The following LYZL4 variants were observed in gnomAD, a reference collection of about 807,000 sequenced individuals.
LYZL4 encodes the protein lysozyme like 4.
In LYZL4, 13 loss-of-function variants were observed where a neutral mutation model predicts 17.6. The ratio of observed to expected loss-of-function variants is 0.74; its 90% CI spans 0.48 to 1.18. LYZL4 has a LOEUF of 1.18. Among genes scored for constraint, LYZL4 ranks in the 50% most tolerant of loss-of-function variants. LYZL4 has a pLI of 0.00. For missense variants in LYZL4, 174 were observed against 188.2 expected (o/e 0.92, Z 0.44); for synonymous variants, 64 against 67.7 (o/e 0.95, Z 0.27).
At chr3:42,409,339 G>A (rs961764308) in intron 1 of LYZL4, among the ~76,000 whole-genome samples, 1 of 152,104 alleles carries the variant, frequency 6.6e-6, no homozygotes, top group Non-Finnish European at 1.5e-5. Context: ...TTGCACCCCT[G>A]CCCTTTTATA....
chr3:42,385,603 G>C, the LYZL4 span, among the ~76,000 whole-genome samples: 2 of 152,188 alleles, frequency 1.3e-5, no homozygotes, highest in Non-Finnish European at 2.9e-5. Context: ...CTGAGGAAGA[G>C]ATGATGCCAT....
At chr3:42,370,050 C>T in the LYZL4 span, among the ~76,000 whole-genome samples, 6 of 152,226 alleles carry the variant, frequency 3.9e-5, no homozygotes, top group South Asian at 2.1e-4. Flanking sequence ...GGGGCTCCCA[C>T]GCTGTGAAGC....
At chr3:42,361,106 T>C in the LYZL4 span, among the ~76,000 whole-genome samples, 18 of 152,362 alleles carry the variant, frequency 1.2e-4, no homozygotes, top group African/African-American at 3.8e-4. Context: ...TTTTATTAGT[T>C]TCTAGTTTAT....
At chr3:42,369,472 A>G in the LYZL4 span, among the ~76,000 whole-genome samples, 1 of 152,272 alleles carries the variant, frequency 6.6e-6, no homozygotes, top group South Asian at 2.1e-4. Context: ...CTCTGCTTAT[A>G]GAAACAGAAG....
At chr3:42,382,802 C>T in the LYZL4 span, among the ~76,000 whole-genome samples, 155 of 151,976 alleles carry the variant, frequency 1.0e-3, 1 homozygote, top group African/African-American at 3.7e-3. Flanking sequence ...GAAGAGACAA[C>T]TGGACAGCCT....
the LYZL4 span, among the ~76,000 whole-genome samples, chr3:42,382,268 T>C: frequency 6.6e-6 from 1 of 152,214 alleles, no homozygotes; most frequent in African/African-American, 2.4e-5. Context: ...AGATATTCCT[T>C]AATCATAGAA....
intron 4 of LYZL4, among the ~76,000 whole-genome samples, chr3:42,401,155 C>T (rs949659629): frequency 3.9e-5 from 6 of 152,062 alleles, no homozygotes; most frequent in East Asian, 1.9e-4. Flanking sequence ...AAAGCTAACA[C>T]GGGACCTATG....
the LYZL4 span, among the ~76,000 whole-genome samples, chr3:42,390,771 T>A: frequency 1.3e-5 from 2 of 152,208 alleles, no homozygotes; most frequent in Admixed American, 1.3e-4. Flanking sequence ...TACATGCCTA[T>A]ATTCTAGGGC....
At chr3:42,401,373 G>A (rs959531998) in intron 4 of LYZL4, among the ~76,000 whole-genome samples, 24 of 151,938 alleles carry the variant, frequency 1.6e-4, no homozygotes, top group Non-Finnish European at 2.6e-4. Flanking sequence ...ACCACGCCCG[G>A]CTAATTTTTG....
At chr3:42,406,205 G>A (rs565227511) in intron 3 of LYZL4, among the ~76,000 whole-genome samples, 8 of 152,268 alleles carry the variant, frequency 5.3e-5, no homozygotes, top group African/African-American at 1.9e-4. Flanking sequence ...TGTAACCCTA[G>A]CACTTTGGGA....
chr3:42,386,393 A>ACCCC, the LYZL4 span, among the ~76,000 whole-genome samples: 4 of 21,032 alleles, frequency 1.9e-4, no homozygotes, highest in African/African-American at 2.4e-4. Flanking sequence ...TTGAGCCACC[A>ACCCC]CGCCCCCCCC....
the LYZL4 span, among the ~76,000 whole-genome samples, chr3:42,367,653 A>C: frequency 6.6e-6 from 1 of 152,152 alleles, no homozygotes; most frequent in Admixed American, 6.5e-5. Context: ...AGTGTTTCTA[A>C]AGAATAAGAT....
chr3:42,407,053 T>A, intron 2 of LYZL4, 55 bp from the exon 3 acceptor site: 1 of 1,613,800 alleles, frequency 6.2e-7, no homozygotes, highest in Non-Finnish European at 8.5e-7. Context: ...TGGGGATGCT[T>A]GGCCAGAGAA....
chr3:42,402,756 A>T (rs1698678733), intron 4 of LYZL4, among the ~76,000 whole-genome samples: 1 of 152,262 alleles, frequency 6.6e-6, no homozygotes, highest in African/African-American at 2.4e-5. Flanking sequence ...TAGCAATTTT[A>T]TTCCTCAGTA....
chr3:42,364,749 C>A, the LYZL4 span, among the ~76,000 whole-genome samples: 2 of 152,132 alleles, frequency 1.3e-5, no homozygotes, highest in Non-Finnish European at 2.9e-5. Flanking sequence ...GCTAGGATTA[C>A]AAGCATGAGC....
At chr3:42,362,844 T>C in the LYZL4 span, among the ~76,000 whole-genome samples, 1 of 152,204 alleles carries the variant, frequency 6.6e-6, no homozygotes, top group South Asian at 2.1e-4. Flanking sequence ...AAATGTGCCT[T>C]TATAATGGAG....
the LYZL4 span, among the ~76,000 whole-genome samples, chr3:42,389,319 C>T: frequency 6.6e-6 from 1 of 152,144 alleles, no homozygotes; most frequent in Non-Finnish European, 1.5e-5. Flanking sequence ...CCATGGCTTC[C>T]CTGCCAGTTA....
At chr3:42,365,864 T>C in the LYZL4 span, among the ~76,000 whole-genome samples, 1 of 152,218 alleles carries the variant, frequency 6.6e-6, no homozygotes, top group Non-Finnish European at 1.5e-5. Context: ...TTTTCTGTAA[T>C]AAACATATAC....
At chr3:42,394,546 G>A (rs1175826538), downstream of LYZL4, among the ~76,000 whole-genome samples, 2 of 152,174 alleles carry the variant, frequency 1.3e-5, no homozygotes, top group African/African-American at 4.8e-5. Flanking sequence ...ATATTTATAT[G>A]GTTGGAGTTA....
Sources: gnomAD v4.1 joint callset for allele counts (sites outside exome capture counted in the v4.1 genomes callset) on GRCh38, gnomAD v4.1.1 for gene constraint, MANE v1.5 for transcripts, NCBI Gene and HGNC (gene_info 2026-07-23, HGNC 2026-07-21) for gene names.